BEND2: variants seen among roughly 807,000 people sequenced by gnomAD.
BEND2 encodes BEN domain-containing protein 2.
In BEND2, 19 loss-of-function variants were observed where a neutral mutation model predicts 43.8. The ratio of observed to expected loss-of-function variants is 0.43; its 90% CI spans 0.30 to 0.64. BEND2 has a LOEUF of 0.64. BEND2 is among the 30% of genes least tolerant of loss of function. The pLI is 0.11. For missense variants in BEND2, 544 were observed against 574.0 expected, an observed-to-expected ratio of 0.95 and a Z score of 0.53; for synonymous variants, 226 against 210.1, an observed-to-expected ratio of 1.08 and a Z score of -0.66.
chrX:18,220,812 G>T lies in BEND2; in HGVS notation c.-62C>A. 8.9e-7 allele frequency: 1 copy of T among 1,121,169 alleles called. No homozygotes were observed. Among genetic ancestry groups the T allele is most frequent in the Non-Finnish European group, 1.2e-6 (1 of 824,811 alleles). 92.4% of individuals were successfully genotyped at this position (1,121,169 alleles called of 1,213,427 possible). ...CTGAGGCCCGAGACCTGAGGCCTAC[G>T]TCTGCGCCGCGGCTCTGAGGTAACT... On this transcript the variant is annotated 5_prime_UTR_variant, in exon 1 of 14. Coordinates refer to ENST00000380033, the MANE Select transcript of BEND2 (RefSeq NM_153346.5).
intron 13 of BEND2, among the ~76,000 whole-genome samples, chrX:18,167,061 G>C (rs571099735): frequency 8.1e-5 from 9 of 110,622 alleles, no homozygotes; most frequent in Non-Finnish European, 1.5e-4. Flanking sequence ...CGGGTGAATC[G>C]CTTGAACCCA....
Position 18,214,832 on chromosome X carries a change from A to G in BEND2, c.239-921T>C, listed in dbSNP as rs867429563. On this transcript the variant is annotated intron_variant, in intron 2 of 13. Coordinates refer to ENST00000380033, the MANE Select transcript of BEND2 (RefSeq NM_153346.5). ...TCTCAAAAAAAAAAAAAAAAAAAAA[A>G]AAAGAAAGAAAAAAAAATTCACCTA... is the stretch of plus-strand genomic sequence containing the variant. Among the ~76,000 whole-genome samples the G allele has an allele frequency of 2.7e-3, 288 of 105,755 alleles. 1 individual carries two copies. Among genetic ancestry groups the G allele is most frequent in the African/African-American group, 8.1e-3 (234 of 28,862 alleles). 91.8% of individuals were successfully genotyped at this position (105,755 alleles called of 115,157 possible). A position where few individuals can be genotyped will look rare whatever the true frequency, so the allele number is the denominator to read the frequency against.
At chrX:18,218,419 A>G (rs1418786461) in intron 1 of BEND2, among the ~76,000 whole-genome samples, 2 of 112,748 alleles carry the variant, frequency 1.8e-5, no homozygotes, top group African/African-American at 6.4e-5. Flanking sequence ...AAGCTTTTGT[A>G]TATCAACAGA....
chrX:18,192,291 AG>A (rs1479750032), intron 7 of BEND2, among the ~76,000 whole-genome samples: 1 of 112,188 alleles, frequency 8.9e-6, no homozygotes, highest in Admixed American at 9.5e-5. Context: ...CTTCAAATAT[AG>A]GGAAGATAAA....
At chrX:18,205,801 C>G (rs5909167) in intron 4 of BEND2, among the ~76,000 whole-genome samples, 1 of 107,972 alleles carries the variant, frequency 9.3e-6, no homozygotes, top group Non-Finnish European at 1.9e-5. Context: ...AATTTCAGGC[C>G]GTACCCCAGA....
At chrX:18,178,876 C>T (rs1924274641) in intron 9 of BEND2, among the ~76,000 whole-genome samples, 1 of 111,620 alleles carries the variant, frequency 9.0e-6, no homozygotes, top group African/African-American at 3.3e-5. Context: ...TGCCCTCAAC[C>T]ATTAGGCTTT....
intron 12 of BEND2, 85 bp downstream of exon 12, chrX:18,173,945 C>A (rs1001684939): frequency 7.4e-6 from 6 of 811,545 alleles, no homozygotes; most frequent in Non-Finnish European, 1.0e-5. Context: ...GAGAATAGTA[C>A]AATGAACCCC....
At chrX:18,212,434 A>T (rs1180980467) in intron 4 of BEND2, 131 bp downstream of exon 4, 1 of 466,814 alleles carries the variant, frequency 2.1e-6, no homozygotes, top group Non-Finnish European at 3.6e-6. Context: ...GTAAGTATAC[A>T]CATTTATCAA....
chrX:18,220,825 C>T lies in BEND2; in HGVS notation c.-75G>A. Reference sequence around the variant, plus strand: ...CCTGAGGCCTACGTCTGCGCCGCGGCTCTGAGGTAACTGCTTGGTAACTGT... The same window carrying T: ...CCTGAGGCCTACGTCTGCGCCGCGGTTCTGAGGTAACTGCTTGGTAACTGT... On this transcript the variant is annotated 5_prime_UTR_variant, in exon 1 of 14. Transcript: ENST00000380033. 2 of 1,072,181 alleles carry T rather than the reference C, an allele frequency of 1.9e-6. No homozygotes were observed. Among genetic ancestry groups the T allele is most frequent in the Non-Finnish European group, 2.5e-6 (2 of 786,381 alleles). 88.4% of individuals were successfully genotyped at this position (1,072,181 alleles called of 1,213,427 possible). A position where few individuals can be genotyped will look rare whatever the true frequency, so the allele number is the denominator to read the frequency against.
chrX:18,167,934 G>A (rs959428732), intron 13 of BEND2, among the ~76,000 whole-genome samples: 2 of 112,551 alleles, frequency 1.8e-5, no homozygotes, highest in South Asian at 3.7e-4. Context: ...TTGTACTATT[G>A]TATCCTGGGT....
intron 4 of BEND2, among the ~76,000 whole-genome samples, chrX:18,208,711 C>T (rs1282234408): frequency 4.5e-5 from 5 of 111,001 alleles, no homozygotes; most frequent in Non-Finnish European, 7.5e-5. Flanking sequence ...TATATAAGAA[C>T]CTAGGTTTAA....
At chrX:18,183,420 G>C (rs1319286593) in intron 8 of BEND2, among the ~76,000 whole-genome samples, 2 of 112,282 alleles carry the variant, frequency 1.8e-5, no homozygotes, top group African/African-American at 3.2e-5. Flanking sequence ...AAACACACAG[G>C]ACACAGCTTC....
chrX:18,216,714 G>A lies in BEND2; in HGVS notation c.45C>T (p.Val15=), dbSNP rs148252097. ...AATCATTGTTATCATCACTGTCGTCGACAGTTATAATAACAAAATCTAAGA... is the reference window on the plus strand; with the variant it reads ...AATCATTGTTATCATCACTGTCGTCAACAGTTATAATAACAAAATCTAAGA... ...TQEQDFVIIT[V]DDSDDNNDCS... is the part of the protein sequence containing the mutation. Residue 15 remains valine (V), a synonymous_variant, in exon 2 of 14, where the codon GTC becomes GTT. Transcript: ENST00000380033. 884 of 1,200,177 alleles carry A rather than the reference G, an allele frequency of 7.4e-4. 6 individuals are homozygous for A. In the African/African-American group the frequency reaches 0.013, roughly 17 times the overall value.
At chrX:18,201,771 G>C (rs761459386) in intron 6 of BEND2, 44 bp downstream of exon 6, 1 of 1,172,695 alleles carries the variant, frequency 8.5e-7, no homozygotes, top group African/African-American at 1.8e-5. Context: ...GGGATTACAA[G>C]TGTGAGCCAC....
intron 6 of BEND2, among the ~76,000 whole-genome samples, chrX:18,201,255 G>A (rs1925135220): frequency 9.4e-6 from 1 of 106,608 alleles, no homozygotes; most frequent in Non-Finnish European, 1.9e-5. Context: ...AATTAGCCAG[G>A]CGTGGTGGTG....
intron 8 of BEND2, among the ~76,000 whole-genome samples, chrX:18,184,520 ATTC>A (rs1924505848): frequency 9.0e-6 from 1 of 111,676 alleles, no homozygotes; most frequent in Non-Finnish European, 1.9e-5. Flanking sequence ...AATCCAGAGA[ATTC>A]TTCTGGATCT....
intron 8 of BEND2, among the ~76,000 whole-genome samples, chrX:18,183,042 C>CAAAAAAAAA (rs56812732): frequency 7.4e-5 from 3 of 40,786 alleles, no homozygotes; most frequent in Non-Finnish European, 1.2e-4. Context: ...ACTCTGTCTC[C>CAAAAAAAAA]AAAAAAAAAA....
In BEND2 at chrX:18,179,352, G is replaced by A. The variant is rs201575434; in HGVS notation, c.1429+1158C>T. 1.2e-4 allele frequency among the ~76,000 whole-genome samples: 13 copies of A among 108,700 alleles called. No individual in the cohort carries two copies. In the East Asian group the frequency reaches 1.7e-3, roughly 15 times the overall value. 94.4% of individuals were successfully genotyped at this position (108,700 alleles called of 115,157 possible). On this transcript the variant is annotated intron_variant, in intron 9 of 13. Coordinates refer to ENST00000380033, the MANE Select transcript of BEND2 (RefSeq NM_153346.5). ...AATTTTTTGTATTTTTTGTAGAGAT[G>A]GGGTTTTGCTATGTTGCCCATGCTG...
intron 6 of BEND2, among the ~76,000 whole-genome samples, chrX:18,196,352 T>C (rs901397790): frequency 9.2e-6 from 1 of 109,118 alleles, no homozygotes; most frequent in Non-Finnish European, 1.9e-5. Flanking sequence ...AATATAAATA[T>C]GGAGAAACTG....
Sources: gnomAD v4.1 joint callset for allele counts (sites outside exome capture counted in the v4.1 genomes callset) on GRCh38, gnomAD v4.1.1 for gene constraint, MANE v1.5 for transcripts, NCBI Gene and HGNC (gene_info 2026-07-23, HGNC 2026-07-21) for gene names.